The following ELOVL7 variants were observed in gnomAD, a reference collection of about 807,000 sequenced individuals.
The protein encoded by ELOVL7 is very long chain fatty acid elongase 7.
A neutral mutation model predicts 35.7 loss-of-function variants in ELOVL7; 27 were observed. The ratio of observed to expected loss-of-function variants is 0.76; its 90% CI spans 0.56 to 1.04. ELOVL7 has a LOEUF of 1.04. Ranked by LOEUF, ELOVL7 falls within the 50% of genes least tolerant of loss-of-function variation. ELOVL7 has a pLI of 0.00. For synonymous variants in ELOVL7, 113 were observed against 114.6 expected, an observed-to-expected ratio of 0.99 and a Z score of 0.09; for missense variants, 327 against 340.8, an observed-to-expected ratio of 0.96 and a Z score of 0.32.
chr5:60,792,590 G>A (rs1219480151), intron 2 of ELOVL7, among the ~76,000 whole-genome samples: 2 of 152,178 alleles, frequency 1.3e-5, no homozygotes, highest in Non-Finnish European at 2.9e-5. Flanking sequence ...AGGCAAGCCT[G>A]GCATGGTGGC....
intron 1 of ELOVL7, among the ~76,000 whole-genome samples, chr5:60,837,086 T>C (rs1746838723): frequency 6.6e-6 from 1 of 151,562 alleles, no homozygotes; most frequent in Admixed American, 6.6e-5. Flanking sequence ...CCTGTGCATA[T>C]GATGAGCCAG....
intron 2 of ELOVL7, 166 bp from the exon 3 acceptor site, chr5:60,787,597 T>G (rs1261302022): frequency 2.2e-6 from 1 of 450,450 alleles, no homozygotes; most frequent in Non-Finnish European, 3.9e-6. Flanking sequence ...TAAACCCTGA[T>G]GCAGTTGCAG....
chr5:60,797,442 T>C (rs969493658), intron 2 of ELOVL7, among the ~76,000 whole-genome samples: 3 of 152,236 alleles, frequency 2.0e-5, no homozygotes, highest in African/African-American at 7.2e-5. Flanking sequence ...AGTTTTGTCT[T>C]AGCTTTTGGG....
At chr5:60,768,016 G>A in intron 4 of ELOVL7, 113 bp from the exon 5 acceptor site, 2 of 743,854 alleles carry the variant, frequency 2.7e-6, no homozygotes, top group Non-Finnish European at 4.6e-6. Context: ...AATAGTCAGT[G>A]CAGAGGAAAA....
chr5:60,799,728 C>T (rs1486969423), intron 1 of ELOVL7, among the ~76,000 whole-genome samples: 3 of 152,144 alleles, frequency 2.0e-5, no homozygotes, highest in Non-Finnish European at 2.9e-5. Context: ...CTGTTAAATT[C>T]TACCAAACAT....
chr5:60,758,024 T>G (rs1049074271), intron 7 of ELOVL7, among the ~76,000 whole-genome samples: 1 of 152,154 alleles, frequency 6.6e-6, no homozygotes, highest in Non-Finnish European at 1.5e-5. Context: ...AATCTTAACT[T>G]GATGATTTTT....
chr5:60,779,494 T>C (rs1743106696), intron 3 of ELOVL7, among the ~76,000 whole-genome samples: 1 of 152,200 alleles, frequency 6.6e-6, no homozygotes, highest in Non-Finnish European at 1.5e-5. Flanking sequence ...CTGCCAAAGC[T>C]TGGGGCCTGC....
chr5:60,786,017 G>A (rs1743562500), intron 3 of ELOVL7: 1 of 152,204 alleles, frequency 6.6e-6, no homozygotes, highest in Admixed American at 6.5e-5. Flanking sequence ...GAATTTGGTA[G>A]ACTTGCAATT....
chr5:60,764,233 C>T lies in ELOVL7; in HGVS notation c.493G>A (p.Ala165Thr). ...PWTWWFGVKF[A>T]AGGLGTFHAL... is the part of the protein sequence containing the mutation. ...CCAAATTTCCCTTGTCTACCTGCAG[C>T]AAATTTGACTCCAAACCACCAGGTC... The change falls in exon 7 of 9, where the codon GCT becomes ACT. Residue 165 changes from alanine (A) to threonine (T), a missense_variant. Ala to Thr is a moderately conservative substitution (Grantham distance 58). Transcript: ENST00000508821. The T allele has an allele frequency of 6.2e-7, 1 of 1,610,246 alleles. No homozygotes were observed. Among genetic ancestry groups the T allele is most frequent in the Non-Finnish European group, 8.5e-7 (1 of 1,177,190 alleles).
chr5:60,772,118 A>G (rs762949744), intron 3 of ELOVL7, 25 bp from the exon 4 acceptor site: 2 of 1,532,732 alleles, frequency 1.3e-6, no homozygotes, highest in African/African-American at 1.4e-5. Flanking sequence ...ATATGTGAGT[A>G]CACACCTGCT....
At chr5:60,778,907 A>G (rs1743069331) in intron 3 of ELOVL7, among the ~76,000 whole-genome samples, 1 of 152,210 alleles carries the variant, frequency 6.6e-6, no homozygotes, top group Non-Finnish European at 1.5e-5. Flanking sequence ...TCCAGATACA[A>G]TGGGGATACA....
intron 6 of ELOVL7, among the ~76,000 whole-genome samples, chr5:60,765,226 G>A (rs1016944896): frequency 2.6e-5 from 4 of 152,176 alleles, no homozygotes; most frequent in Non-Finnish European, 4.4e-5. Flanking sequence ...CATGGAAGAA[G>A]GCTGAGTGGT....
At chr5:60,841,121 G>A (rs1747143109) in intron 1 of ELOVL7, among the ~76,000 whole-genome samples, 1 of 150,282 alleles carries the variant, frequency 6.7e-6, no homozygotes, top group Admixed American at 6.7e-5. Flanking sequence ...TGCCTCCTGG[G>A]TTCAAGCGAT....
chr5:60,763,886 C>T (rs975864279), intron 7 of ELOVL7, among the ~76,000 whole-genome samples: 9 of 151,954 alleles, frequency 5.9e-5, no homozygotes, highest in Non-Finnish European at 1.0e-4. Flanking sequence ...TCTCTATACT[C>T]CTATAAAGCC....
At chr5:60,797,591 G>A (rs1220185620) in intron 2 of ELOVL7, among the ~76,000 whole-genome samples, 3 of 152,216 alleles carry the variant, frequency 2.0e-5, no homozygotes, top group African/African-American at 7.2e-5. Context: ...ATCCCAGAGA[G>A]AAAGGTAATA....
chr5:60,792,175 A>T (rs1743979911), intron 2 of ELOVL7, among the ~76,000 whole-genome samples: 1 of 152,114 alleles, frequency 6.6e-6, no homozygotes, highest in Non-Finnish European at 1.5e-5. Context: ...AGTTATGAAA[A>T]AGATCCAGTA....
At chr5:60,782,458 C>G (rs1743313096) in intron 3 of ELOVL7, among the ~76,000 whole-genome samples, 1 of 152,198 alleles carries the variant, frequency 6.6e-6, no homozygotes, top group Admixed American at 6.5e-5. Flanking sequence ...CTCATGTTCA[C>G]TGCAGCATTA....
chr5:60,798,237 T>A (rs990501033), intron 2 of ELOVL7, among the ~76,000 whole-genome samples: 15 of 152,276 alleles, frequency 9.9e-5, no homozygotes, highest in Non-Finnish European at 1.8e-4. Context: ...ACCTTTCAGA[T>A]TTTCTGGGTT....
intron 1 of ELOVL7, chr5:60,843,405 C>G (rs1249389653): frequency 6.6e-6 from 1 of 152,092 alleles, no homozygotes; most frequent in Non-Finnish European, 1.5e-5. Flanking sequence ...GCCCATTTCC[C>G]AAAGAACCAA....
Sources: gnomAD v4.1 joint callset for allele counts (sites outside exome capture counted in the v4.1 genomes callset) on GRCh38, gnomAD v4.1.1 for gene constraint, MANE v1.5 for transcripts, NCBI Gene and HGNC (gene_info 2026-07-23, HGNC 2026-07-21) for gene names.